Variants in UBE2O observed in about 807,000 individuals in gnomAD.
UBE2O encodes (E3-independent) E2 ubiquitin-conjugating enzyme.
A neutral mutation model predicts 125.8 loss-of-function variants in UBE2O; 15 were observed. That is an observed-to-expected ratio of 0.12 (90% confidence interval 0.08 to 0.18). The LOEUF (loss-of-function observed/expected upper bound fraction) is 0.18, where lower values mean the gene tolerates loss of function less well. UBE2O is among the 10% of genes least tolerant of loss of function. The probability of loss-of-function intolerance (pLI) is 1.00; values close to 1 mark genes in which losing one functional copy is unlikely to be tolerated. For missense variants in UBE2O, 1,280 were observed against 1,723.6 expected (o/e 0.74, Z 4.56); for synonymous variants, 708 against 703.2 (o/e 1.01, Z -0.11).
chr17:76,446,498 C>G (rs1266808177), intron 1 of UBE2O, among the ~76,000 whole-genome samples: 1 of 151,580 alleles, frequency 6.6e-6, no homozygotes, highest in East Asian at 1.9e-4. Context: ...CAGAGAGAAA[C>G]AGGGATAAAA....
intron 1 of UBE2O, among the ~76,000 whole-genome samples, chr17:76,406,863 C>G (rs1353051540): frequency 6.6e-6 from 1 of 151,948 alleles, no homozygotes; most frequent in Admixed American, 6.6e-5. Context: ...CCACGCCCGG[C>G]TAATTTTTGT....
intron 1 of UBE2O, among the ~76,000 whole-genome samples, chr17:76,419,858 C>T (rs959817079): frequency 1.3e-5 from 2 of 152,212 alleles, no homozygotes; most frequent in African/African-American, 2.4e-5. Context: ...TGGCTCTACC[C>T]ACGCGGAAAC....
intron 1 of UBE2O, among the ~76,000 whole-genome samples, chr17:76,437,802 C>G (rs995881097): frequency 6.6e-6 from 1 of 152,038 alleles, no homozygotes; most frequent in African/African-American, 2.4e-5. Flanking sequence ...GAAGGGGATA[C>G]GAGGACTTTC....
intron 1 of UBE2O, among the ~76,000 whole-genome samples, chr17:76,426,292 T>A (rs529872739): frequency 6.6e-6 from 1 of 152,188 alleles, no homozygotes. Context: ...TGAACCACCA[T>A]GCCCAGCCAA....
At chr17:76,449,373 A>AAG (rs1358972646) in intron 1 of UBE2O, among the ~76,000 whole-genome samples, 1 of 152,248 alleles carries the variant, frequency 6.6e-6, no homozygotes, top group Non-Finnish European at 1.5e-5. Context: ...CCAGAAGTTC[A>AAG]AGACCAGCCT....
chr17:76,429,772 A>G (rs2072873290), intron 1 of UBE2O, among the ~76,000 whole-genome samples: 1 of 151,988 alleles, frequency 6.6e-6, no homozygotes, highest in Admixed American at 6.6e-5. Context: ...TGGCCTCAGC[A>G]CTCCAGGAGC....
rs116879618 is a variant in UBE2O at position 76,452,767 on chromosome 17, C to T, written c.375G>A (p.Gln125=). ...SPLRRGYVRV[Q]WYPEGVKQHV... ...GCTGCTTGACGCCCTCCGGGTACCA[C>T]TGGACGCGCACGTAGCCGCGGCGCA... Residue 125 remains glutamine (Q), a synonymous_variant, in exon 1 of 18, where the codon CAG becomes CAA. Coordinates refer to ENST00000319380, the MANE Select transcript of UBE2O (RefSeq NM_022066.4). The surrounding 1 kb of genome is among the most constrained non-coding windows in gnomAD (Gnocchi z 4.4). 6.7e-4 allele frequency: 1,014 copies of T among 1,519,430 alleles called. 16 individuals carry two copies. The East Asian group carries it at 0.022, about 33-fold the overall frequency. The allele number at this position is 1,519,430 out of a possible 1,614,324, so 94.1% of individuals were successfully genotyped here.
intron 1 of UBE2O, among the ~76,000 whole-genome samples, chr17:76,408,438 A>C (rs2072460447): frequency 1.3e-5 from 2 of 152,222 alleles, no homozygotes; most frequent in African/African-American, 4.8e-5. Flanking sequence ...ATTCAATGTC[A>C]CAAGTAGTGG....
intron 1 of UBE2O, among the ~76,000 whole-genome samples, chr17:76,427,933 G>A (rs887057756): frequency 6.6e-6 from 1 of 152,152 alleles, no homozygotes; most frequent in African/African-American, 2.4e-5. Flanking sequence ...TATTGTTAGG[G>A]TCGATTTCAG....
intron 1 of UBE2O, among the ~76,000 whole-genome samples, chr17:76,419,936 T>C (rs1051963253): frequency 1.3e-5 from 2 of 152,210 alleles, no homozygotes; most frequent in African/African-American, 4.8e-5. Context: ...TCCTCGGCCA[T>C]GGCCCTCGGG....
At chr17:76,434,133 C>A (rs1174819406) in intron 1 of UBE2O, among the ~76,000 whole-genome samples, 1 of 152,144 alleles carries the variant, frequency 6.6e-6, no homozygotes, top group Non-Finnish European at 1.5e-5. Context: ...TACTTAACCA[C>A]GTAAGCCTCT....
chr17:76,415,828 T>TGTGTGTGTGC (rs1491320241), intron 1 of UBE2O, among the ~76,000 whole-genome samples: 2 of 151,290 alleles, frequency 1.3e-5, no homozygotes, highest in East Asian at 1.9e-4. Context: ...TGTGTGTGTG[T>TGTGTGTGTGC]GCATACACAT....
intron 1 of UBE2O, among the ~76,000 whole-genome samples, chr17:76,449,206 C>T (rs1200198625): frequency 2.6e-5 from 4 of 152,214 alleles, no homozygotes; most frequent in African/African-American, 7.2e-5. Flanking sequence ...ACTCATTGCC[C>T]TCCAATTTAC....
chr17:76,425,412 C>T (rs561525511), intron 1 of UBE2O, among the ~76,000 whole-genome samples: 1 of 151,948 alleles, frequency 6.6e-6, no homozygotes, highest in African/African-American at 2.4e-5. Context: ...AGGCAGTCCC[C>T]CATCTTACCC....
intron 1 of UBE2O, among the ~76,000 whole-genome samples, chr17:76,438,860 G>A (rs979433852): frequency 1.8e-4 from 27 of 151,972 alleles, no homozygotes; most frequent in Admixed American, 1.6e-3. Context: ...AGCACTCCAC[G>A]CCATGCATGC....
At chr17:76,393,903 G>C (rs1360960961) in intron 15 of UBE2O, among the ~76,000 whole-genome samples, 2 of 152,236 alleles carry the variant, frequency 1.3e-5, no homozygotes, top group Non-Finnish European at 2.9e-5. Context: ...GCTCTTATCG[G>C]TGCCACCCTG....
chr17:76,448,381 C>T (rs2073182712), intron 1 of UBE2O, among the ~76,000 whole-genome samples: 1 of 152,350 alleles, frequency 6.6e-6, no homozygotes, highest in Admixed American at 6.5e-5. Context: ...AGCACCCAGA[C>T]AAGTGAGACA....
rs1282984415 is a variant in UBE2O at position 76,405,741 on chromosome 17, C to T, written c.418-169G>A. On this transcript the variant is annotated intron_variant, in intron 1 of 17. Transcript: ENST00000319380. The surrounding 1 kb of genome is among the most constrained non-coding windows in gnomAD (Gnocchi z 6.1). ...ACCGCACACACCTCCGACCAGCACC[C>T]AGACCCACAGGCAGAGCGCGTCACG... Among the ~76,000 whole-genome samples the T allele has an allele frequency of 2.0e-5, 3 of 152,190 alleles. No homozygotes were observed. Among genetic ancestry groups the T allele is most frequent in the Middle Eastern group, 3.2e-3 (1 of 316 alleles).
Position 76,452,921 on chromosome 17 carries a change from A to T in UBE2O, c.221T>A (p.Val74Glu), listed in dbSNP as rs1442278775. 6.7e-7 allele frequency: 1 copy of T among 1,497,496 alleles called. No individual in the cohort carries two copies. Among genetic ancestry groups the T allele is most frequent in the Non-Finnish European group, 8.9e-7 (1 of 1,122,982 alleles). 92.8% of individuals were successfully genotyped at this position (1,497,496 alleles called of 1,614,324 possible). ...GATGAGGCGCACCAGCCCGAAGTGC[A>T]CGGAGCCACGGTAACGGCCCGACAC... ...DLVSGRYRGS[V>E]HFGLVRLIHG... Residue 74 changes from valine (V) to glutamate (E), a missense_variant, in exon 1 of 18, where the codon GTG (valine) becomes GAG (glutamate). Coordinates refer to ENST00000319380, the MANE Select transcript of UBE2O (RefSeq NM_022066.4). This position sits in a 1 kb window ranked among gnomAD's most constrained non-coding sequence, Gnocchi z 4.4.
Sources: allele counts gnomAD v4.1 joint callset (sites outside exome capture counted in the v4.1 genomes callset), GRCh38; gene constraint gnomAD v4.1.1; non-coding constraint Gnocchi (gnomAD v3.1); transcripts MANE v1.5; gene names NCBI Gene and HGNC (gene_info 2026-07-23, HGNC 2026-07-21).